The following RBPMS variants were observed in gnomAD, a reference collection of about 807,000 sequenced individuals.
The protein encoded by RBPMS is RNA binding protein, mRNA processing factor.
In RBPMS, 7 loss-of-function variants were observed where a neutral mutation model predicts 26.8. The observed-to-expected ratio is 0.26, with a 90% CI of 0.15 to 0.49. RBPMS has a LOEUF of 0.49. Ranked by LOEUF, RBPMS falls within the 20% of genes least tolerant of loss-of-function variation. The pLI, the probability that RBPMS is intolerant of heterozygous loss-of-function variation, is 0.98. For missense variants in RBPMS, 186 were observed against 250.0 expected, an observed-to-expected ratio of 0.74 and a Z score of 1.73; for synonymous variants, 96 against 93.3, an observed-to-expected ratio of 1.03 and a Z score of -0.17.
At chr8:30,475,026 G>A (rs1406502854) in intron 2 of RBPMS, among the ~76,000 whole-genome samples, 170 bp downstream of exon 2, 1 of 152,174 alleles carries the variant, frequency 6.6e-6, no homozygotes, top group Admixed American at 6.5e-5. Context: ...TCTCACTTAG[G>A]ATAATTACAT....
chr8:30,436,670 T>C (rs945133561), intron 1 of RBPMS, among the ~76,000 whole-genome samples: 4 of 152,174 alleles, frequency 2.6e-5, no homozygotes, highest in African/African-American at 9.7e-5. Flanking sequence ...CACACGTCAC[T>C]TTGTTTCCCT....
rs572427605 is a variant in RBPMS at position 30,455,902 on chromosome 8, AAAAT to A, written c.67-18865_67-18862del. On this transcript the variant is annotated intron_variant, in intron 1 of 8. Coordinates refer to ENST00000397323, the MANE Select transcript of RBPMS (RefSeq NM_001008710.3). ...GAGACTCTGTCTCAAAAAATAAATA[AAAAT>A]AAATAAATAAAAGACAATGCTTTTA... is the stretch of plus-strand genomic sequence containing the variant. Among the ~76,000 whole-genome samples the A allele has an allele frequency of 2.0e-4, 31 of 152,200 alleles. 1 individual carries two copies. The South Asian group carries it at 6.4e-3, about 32-fold the overall frequency.
intron 8 of RBPMS, among the ~76,000 whole-genome samples, chr8:30,568,650 G>A (rs946824141): frequency 6.6e-6 from 1 of 152,168 alleles, no homozygotes; most frequent in Non-Finnish European, 1.5e-5. Flanking sequence ...CCCGCGAGGA[G>A]AACCTGCTCC....
At chr8:30,456,181 G>A (rs1473811754) in intron 1 of RBPMS, among the ~76,000 whole-genome samples, 1 of 152,160 alleles carries the variant, frequency 6.6e-6, no homozygotes, top group Non-Finnish European at 1.5e-5. Flanking sequence ...GATATTTGTT[G>A]TTTTTTAGCG....
intron 1 of RBPMS, 48 bp from the exon 2 acceptor site, chr8:30,474,731 C>T: frequency 1.9e-6 from 2 of 1,068,750 alleles, no homozygotes; most frequent in South Asian, 2.6e-5. Context: ...AGAGTTAACT[C>T]TCTGGAGTGT....
At chr8:30,511,485 AAATAT>A (rs1162569862) in intron 5 of RBPMS, among the ~76,000 whole-genome samples, 8 of 6,140 alleles carry the variant, frequency 1.3e-3, no homozygotes, top group African/African-American at 2.7e-3. Flanking sequence ...AAAAAAAAAA[AAATAT>A]ATATATATAT....
rs1489902166 is a variant in RBPMS, at chr8:30,468,432, TC to T, written c.67-6346del. ...ACTTCCCTTTCCTCCCTTCTAAATT[TC>T]TTTATAATACTAATCTCTCCTGACA... On this transcript the variant is annotated intron_variant, in intron 1 of 8. Coordinates refer to ENST00000397323, the MANE Select transcript of RBPMS (RefSeq NM_001008710.3). Among the ~76,000 whole-genome samples the T allele has an allele frequency of 7.9e-5, 12 of 152,230 alleles. No homozygotes were observed. The East Asian group carries it at 2.3e-3, about 29-fold the overall frequency.
intron 1 of RBPMS, among the ~76,000 whole-genome samples, chr8:30,443,361 G>C (rs1220802870): frequency 6.6e-6 from 1 of 152,146 alleles, no homozygotes; most frequent in Non-Finnish European, 1.5e-5. Context: ...AAAAACAAAA[G>C]GTTGCGTAGT....
At chr8:30,437,865 A>G (rs2150694372) in intron 1 of RBPMS, among the ~76,000 whole-genome samples, 1 of 151,806 alleles carries the variant, frequency 6.6e-6, no homozygotes, top group East Asian at 1.9e-4. Context: ...AGACTGAGAC[A>G]GGAGAATCAC....
intron 5 of RBPMS, among the ~76,000 whole-genome samples, chr8:30,517,830 GA>G (rs1398509696): frequency 6.6e-6 from 1 of 152,218 alleles, no homozygotes; most frequent in Admixed American, 6.5e-5. Context: ...CTGAACATGA[GA>G]AAGATTTCAG....
intron 6 of RBPMS, among the ~76,000 whole-genome samples, chr8:30,551,904 T>G (rs1470150751): frequency 1.3e-5 from 2 of 152,228 alleles, no homozygotes; most frequent in Non-Finnish European, 2.9e-5. Context: ...CATGGGTTTA[T>G]TTTGCAGAAA....
chr8:30,466,597 C>CTTTT (rs1161388621), intron 1 of RBPMS, among the ~76,000 whole-genome samples: 2 of 138,822 alleles, frequency 1.4e-5, no homozygotes, highest in East Asian at 2.1e-4. Context: ...TCTTTTTTTT[C>CTTTT]TTTTTTTTTT....
intron 5 of RBPMS, among the ~76,000 whole-genome samples, chr8:30,540,262 A>G (rs1390588678): frequency 1.3e-5 from 2 of 152,188 alleles, no homozygotes; most frequent in African/African-American, 2.4e-5. Context: ...TAGTCATGCA[A>G]TGGAAGTGAC....
intron 4 of RBPMS, among the ~76,000 whole-genome samples, chr8:30,488,635 C>T (rs1050491304): frequency 2.0e-5 from 3 of 152,088 alleles, no homozygotes; most frequent in Non-Finnish European, 4.4e-5. Flanking sequence ...AAAATTTCAC[C>T]CTGTCCCCTT....
At chr8:30,385,531 G>C (rs913547159) in intron 1 of RBPMS, 7 of 193,446 alleles carry the variant, frequency 3.6e-5, no homozygotes, top group South Asian at 1.9e-4. Context: ...TTCAGGGTCG[G>C]GGGGGGAGCA....
chr8:30,525,795 T>C (rs923992937), intron 5 of RBPMS, among the ~76,000 whole-genome samples: 6 of 152,208 alleles, frequency 3.9e-5, no homozygotes, highest in African/African-American at 4.8e-5. Flanking sequence ...ACCCATGCTG[T>C]AGAGCTCTCT....
At chr8:30,547,563 T>C in intron 6 of RBPMS, 1 of 1,285,888 alleles carries the variant, frequency 7.8e-7, no homozygotes. Flanking sequence ...GATGCAATTT[T>C]GGAGCAAAGG....
intron 1 of RBPMS, among the ~76,000 whole-genome samples, chr8:30,423,179 G>A (rs1321964707): frequency 3.3e-5 from 5 of 152,154 alleles, no homozygotes; most frequent in African/African-American, 7.2e-5. Context: ...TCCCAGCCTC[G>A]CCTACCAGTT....
intron 4 of RBPMS, among the ~76,000 whole-genome samples, chr8:30,494,300 G>C (rs1315058636): frequency 6.6e-6 from 1 of 152,170 alleles, no homozygotes; most frequent in Non-Finnish European, 1.5e-5. Flanking sequence ...CTCTTTCTAA[G>C]TAATAGAAGA....
Sources: allele counts gnomAD v4.1 joint callset (sites outside exome capture counted in the v4.1 genomes callset), GRCh38; gene constraint gnomAD v4.1.1; transcripts MANE v1.5; gene names NCBI Gene and HGNC (gene_info 2026-07-23, HGNC 2026-07-21).